HCRTR2: variants seen among roughly 807,000 people sequenced by gnomAD.
The protein encoded by HCRTR2 is hypocretin receptor 2, also known as orexin receptor type 2.
Under a neutral mutation model 49.0 loss-of-function variants are expected in HCRTR2, and 22 were observed. The observed-to-expected ratio is 0.45, with a 90% confidence interval of 0.32 to 0.64. The LOEUF is 0.64. Ranked by LOEUF, HCRTR2 falls within the 30% of genes least tolerant of loss-of-function variation. The pLI, the probability that HCRTR2 is intolerant of heterozygous loss-of-function variation, is 0.04. For synonymous variants in HCRTR2, 236 were observed against 205.3 expected (o/e 1.15, Z -1.28); for missense variants, 491 against 559.4 (o/e 0.88, Z 1.23).
intron 6 of HCRTR2, among the ~76,000 whole-genome samples, chr6:55,281,107 T>G (rs1443887336): frequency 1.3e-5 from 2 of 152,184 alleles, no homozygotes; most frequent in African/African-American, 4.8e-5. Context: ...CTTTTTACAT[T>G]GCCTTAATCT....
At chr6:55,210,959 A>T (rs144153952) in intron 1 of HCRTR2, among the ~76,000 whole-genome samples, 3 of 152,176 alleles carry the variant, frequency 2.0e-5, no homozygotes, top group African/African-American at 7.2e-5. Context: ...CTGTGGTCCC[A>T]TAAGATTATA....
intron 1 of HCRTR2, among the ~76,000 whole-genome samples, chr6:55,235,349 A>G (rs977004123): frequency 9.2e-5 from 14 of 152,140 alleles, no homozygotes; most frequent in African/African-American, 3.4e-4. Context: ...AAAATATCTG[A>G]AAAGCTACAA....
Position 55,273,688 on chromosome 6 carries a change from G to GTT in HCRTR2, c.763-3690_763-3689dup, listed in dbSNP as rs1767017276. On this transcript the variant is annotated intron_variant, in intron 4 of 6. Transcript: ENST00000370862. ...GCAGCATTAAGCAATGTTGTTTGTG[G>GTT]TTTCATTGCTCATATACTTTCTTCC... Among the ~76,000 whole-genome samples, 6 of 151,788 alleles carry GTT rather than the reference G, an allele frequency of 4.0e-5. No homozygotes were observed. In the South Asian group the frequency reaches 1.3e-3, roughly 32 times the overall value.
rs58118959 is a variant in HCRTR2 at position 55,159,267 on chromosome 6, AAAAAACAAAAAC to A, written c.-377-14918_-377-14907del. ...ACAGAAAGGAATAGCATCAACATCAAAAAAACAAAAACAAAAACAAAAACAAAAACAAAAACA... is the reference window on the plus strand; with the variant it reads ...ACAGAAAGGAATAGCATCAACATCAAAAAAACAAAAACAAAAACAAAAACA... On this transcript the variant is annotated intron_variant, in intron 1 of 7. Transcript: ENST00000615358. 2.7e-3 allele frequency among the ~76,000 whole-genome samples: 403 copies of A among 149,472 alleles called. 4 individuals are homozygous for A. Among genetic ancestry groups the A allele is most frequent in the African/African-American group, 8.7e-3 (352 of 40,384 alleles).
In HCRTR2 at chr6:55,271,319, G is replaced by A. The variant is rs193025692; in HGVS notation, c.763-6061G>A. On this transcript the variant is annotated intron_variant, in intron 4 of 6. Transcript: ENST00000370862. ...AATCATAGTCCTGACAACAAATGGT[G>A]TTAAGACAATTGTATATCCACAAGC... Among the ~76,000 whole-genome samples, 328 of 152,216 alleles carry A rather than the reference G, an allele frequency of 2.2e-3. 1 individual carries two copies. The highest frequency in any genetic ancestry group is 4.3e-3 in the Non-Finnish European group (289 of 67,962).
At chr6:55,255,402 AC>A in intron 3 of HCRTR2, 23 bp downstream of exon 3, 1 of 1,613,490 alleles carries the variant, frequency 6.2e-7, no homozygotes. Flanking sequence ...TGGCCCATCA[AC>A]TGACATTTAT....
chr6:55,206,196 ATGG>A (rs1765597837), intron 1 of HCRTR2, among the ~76,000 whole-genome samples: 3 of 152,122 alleles, frequency 2.0e-5, no homozygotes, highest in Non-Finnish European at 4.4e-5. Flanking sequence ...GAACTGAGTT[ATGG>A]CTCAAGAGCT....
intron 2 of HCRTR2, among the ~76,000 whole-genome samples, chr6:55,251,934 C>G (rs150661102): frequency 6.6e-6 from 1 of 152,126 alleles, no homozygotes; most frequent in East Asian, 1.9e-4. Flanking sequence ...TACTATTCAA[C>G]AAACTTGAGC....
chr6:55,268,453 C>G (rs2127325284), intron 4 of HCRTR2, among the ~76,000 whole-genome samples: 1 of 151,884 alleles, frequency 6.6e-6, no homozygotes, highest in African/African-American at 2.4e-5. Context: ...AACCCATGAT[C>G]CAACTTTATG....
At chr6:55,177,597 C>A (rs1338464001) in intron 1 of HCRTR2, among the ~76,000 whole-genome samples, 2 of 152,158 alleles carry the variant, frequency 1.3e-5, no homozygotes, top group African/African-American at 2.4e-5. Context: ...GTCCAGTCAC[C>A]ATTTGTACTT....
intron 1 of HCRTR2, among the ~76,000 whole-genome samples, chr6:55,224,683 C>A (rs867899590): frequency 6.6e-6 from 1 of 151,620 alleles, no homozygotes; most frequent in African/African-American, 2.4e-5. Flanking sequence ...TACTATTTAG[C>A]CTTTTAAAAG....
chr6:55,229,911 T>C (rs970429115), intron 1 of HCRTR2, among the ~76,000 whole-genome samples: 3 of 152,086 alleles, frequency 2.0e-5, no homozygotes, highest in Admixed American at 1.3e-4. Context: ...ACAATGAAAG[T>C]ACAGTAAAAT....
chr6:55,190,629 T>A lies in HCRTR2; in HGVS notation c.223+15819T>A, dbSNP rs1226212632. 2.6e-5 allele frequency among the ~76,000 whole-genome samples: 4 copies of A among 152,218 alleles called. No homozygotes were observed. The South Asian group carries it at 8.3e-4, about 31-fold the overall frequency. On this transcript the variant is annotated intron_variant, in intron 1 of 6. Coordinates refer to ENST00000370862, the MANE Select transcript of HCRTR2 (RefSeq NM_001384272.1). ...ATATATCAAAGACTATAGAAGGGACTGGATAGTGAATAAGTGATTATACAT... is the reference window on the plus strand; with the variant it reads ...ATATATCAAAGACTATAGAAGGGACAGGATAGTGAATAAGTGATTATACAT...
At chr6:55,132,349 G>C (rs1271408537) in intron 1 of HCRTR2, among the ~76,000 whole-genome samples, 3 of 151,826 alleles carry the variant, frequency 2.0e-5, no homozygotes, top group Admixed American at 2.0e-4. Flanking sequence ...AACTGCTATA[G>C]ACTGTCTGAA....
chr6:55,235,280 A>C (rs1197766230), intron 1 of HCRTR2, among the ~76,000 whole-genome samples: 1 of 152,090 alleles, frequency 6.6e-6, no homozygotes, highest in East Asian at 1.9e-4. Flanking sequence ...ACTCTGCTGT[A>C]ATTTGTCCAG....
At chr6:55,279,987 TACA>T (rs550926465) in intron 5 of HCRTR2, among the ~76,000 whole-genome samples, 103 of 152,266 alleles carry the variant, frequency 6.8e-4, no homozygotes, top group Admixed American at 2.0e-3. Context: ...AGAATATTAA[TACA>T]ACATTATTCA....
intron 3 of HCRTR2, among the ~76,000 whole-genome samples, chr6:55,259,333 T>A (rs1470280961): frequency 6.6e-6 from 1 of 152,142 alleles, no homozygotes; most frequent in Non-Finnish European, 1.5e-5. Flanking sequence ...TGGGAAGATT[T>A]ATTAAACATA....
At chr6:55,110,455 A>G (rs1027780629) in intron 1 of HCRTR2, among the ~76,000 whole-genome samples, 7 of 152,154 alleles carry the variant, frequency 4.6e-5, no homozygotes, top group African/African-American at 1.7e-4. Context: ...AAATTCACCA[A>G]CCAAATACCT....
chr6:55,181,508 T>A (rs1478311126), intron 1 of HCRTR2, among the ~76,000 whole-genome samples: 3 of 152,228 alleles, frequency 2.0e-5, no homozygotes, highest in Non-Finnish European at 2.9e-5. Context: ...ACAAGTAATT[T>A]GCCTTCAATA....
Sources: gnomAD v4.1 joint callset for allele counts (sites outside exome capture counted in the v4.1 genomes callset) on GRCh38, gnomAD v4.1.1 for gene constraint, MANE v1.5 for transcripts, NCBI Gene and HGNC (gene_info 2026-07-23, HGNC 2026-07-21) for gene names.